Variants in GPC5 observed in about 807,000 individuals in gnomAD.
GPC5 encodes glypican-5.
A neutral mutation model predicts 53.9 loss-of-function variants in GPC5; 47 were observed. The observed-to-expected ratio is 0.87, with a 90% confidence interval of 0.69 to 1.11. GPC5 has a LOEUF of 1.11. Ranked by LOEUF, GPC5 falls within the 50% of genes most tolerant of loss-of-function variation. The pLI is 0.00. For synonymous variants in GPC5, 286 were observed against 263.3 expected, an observed-to-expected ratio of 1.09 and a Z score of -0.84; for missense variants, 748 against 713.1, an observed-to-expected ratio of 1.05 and a Z score of -0.56.
intron 2 of GPC5, among the ~76,000 whole-genome samples, chr13:91,494,313 T>C (rs1367641452): frequency 6.7e-6 from 1 of 149,910 alleles, no homozygotes; most frequent in Non-Finnish European, 1.5e-5. Flanking sequence ...AATTTTCCCC[T>C]TTCTCTCTGG....
At chr13:91,762,967 T>A (rs567427321) in intron 5 of GPC5, among the ~76,000 whole-genome samples, 18 of 152,306 alleles carry the variant, frequency 1.2e-4, no homozygotes, top group Non-Finnish European at 2.4e-4. Context: ...GTCACACATC[T>A]TCTTTATTCT....
Position 92,217,008 on chromosome 13 carries a change from A to T in GPC5, c.1561+72019A>T, listed in dbSNP as rs1594006475. ...AAAAAAAAAAAAAAAAAGTCATCTG[A>T]CTTGCCCACAGTCACACAGCTGGCA... is the stretch of plus-strand genomic sequence containing the variant. On this transcript the variant is annotated intron_variant, in intron 7 of 7. Coordinates refer to ENST00000377067, the MANE Select transcript of GPC5 (RefSeq NM_004466.6). Among the ~76,000 whole-genome samples the T allele has an allele frequency of 3.4e-5, 5 of 149,154 alleles. No individual in the cohort carries two copies. In the South Asian group the frequency reaches 1.1e-3, roughly 31 times the overall value.
chr13:91,585,389 C>T (rs939783388), intron 2 of GPC5, among the ~76,000 whole-genome samples: 6 of 152,120 alleles, frequency 3.9e-5, no homozygotes, highest in African/African-American at 7.2e-5. Flanking sequence ...GGAGACAACT[C>T]CCATGCCTAT....
At chr13:92,565,590 G>A (rs1430470121) in intron 7 of GPC5, among the ~76,000 whole-genome samples, 2 of 152,044 alleles carry the variant, frequency 1.3e-5, no homozygotes, top group Non-Finnish European at 2.9e-5. Context: ...CAGTAAAGTT[G>A]CCCTATCTCT....
At chr13:92,685,571 T>TAA in intron 7 of GPC5, among the ~76,000 whole-genome samples, 1 of 143,686 alleles carries the variant, frequency 7.0e-6, no homozygotes, top group South Asian at 2.3e-4. Flanking sequence ...TTTTTTTTTT[T>TAA]TTTATTATAC....
In GPC5 at chr13:91,693,262, C is replaced by A; in HGVS notation, c.401C>A (p.Ala134Asp). The change falls in exon 3 of 8, where the codon GCC becomes GAC. Residue 134 changes from alanine (A) to aspartate (D), a missense_variant. By Grantham distance (126) the Ala-to-Asp change is moderately radical. Coordinates refer to ENST00000377067, the MANE Select transcript of GPC5 (RefSeq NM_004466.6). ...TTTTGCAGTACCTACAGGAACATGG[C>A]CTTGGAGGCTGCTGCTTCGGTTCAG... The part of the protein sequence containing the change: ...ILFCSTYRNM[A>D]LEAAASVQEF... 1.2e-6 allele frequency: 2 copies of A among 1,614,038 alleles called. No homozygotes were observed. The highest frequency in any genetic ancestry group is 1.7e-5 in the Admixed American group (1 of 60,008).
chr13:92,028,310 G>A (rs932553911), intron 6 of GPC5, among the ~76,000 whole-genome samples: 2 of 152,072 alleles, frequency 1.3e-5, no homozygotes, highest in African/African-American at 4.8e-5. Context: ...AGAAACAGCA[G>A]GTCCAGCTGT....
intron 2 of GPC5, among the ~76,000 whole-genome samples, chr13:91,462,559 C>A (rs937269514): frequency 6.6e-6 from 1 of 152,208 alleles, no homozygotes; most frequent in African/African-American, 2.4e-5. Flanking sequence ...ATTTCCTACC[C>A]GCTGAAAATG....
intron 7 of GPC5, among the ~76,000 whole-genome samples, chr13:92,345,441 G>A (rs1201517378): frequency 6.6e-6 from 1 of 152,036 alleles, no homozygotes; most frequent in African/African-American, 2.4e-5. Context: ...TAGAAGAATA[G>A]GAAGTCTTGG....
intron 7 of GPC5, among the ~76,000 whole-genome samples, chr13:92,333,810 G>T (rs1331695521): frequency 6.6e-6 from 1 of 152,052 alleles, no homozygotes; most frequent in African/African-American, 2.4e-5. Context: ...ACATGACAGG[G>T]ATATTGGAAT....
intron 7 of GPC5, among the ~76,000 whole-genome samples, chr13:92,348,715 A>G (rs1179636382): frequency 6.6e-6 from 1 of 152,200 alleles, no homozygotes; most frequent in Non-Finnish European, 1.5e-5. Flanking sequence ...CTGAAATTAT[A>G]GCAAGAATCT....
chr13:92,762,414 G>C (rs562720037), intron 7 of GPC5, among the ~76,000 whole-genome samples: 1 of 152,062 alleles, frequency 6.6e-6, no homozygotes, highest in Non-Finnish European at 1.5e-5. Context: ...TACATAAATG[G>C]TAAAGAAAAA....
intron 6 of GPC5, among the ~76,000 whole-genome samples, chr13:91,944,556 C>G (rs2039958022): frequency 6.6e-6 from 1 of 152,128 alleles, no homozygotes; most frequent in Non-Finnish European, 1.5e-5. Flanking sequence ...ACTCTCTCCT[C>G]CTAGTTGTTA....
At chr13:92,056,812 T>C (rs1287592023) in intron 6 of GPC5, among the ~76,000 whole-genome samples, 1 of 152,226 alleles carries the variant, frequency 6.6e-6, no homozygotes, top group African/African-American at 2.4e-5. Context: ...GCTACATTAT[T>C]TTTCTGAAAT....
At position 92,408,891 on chromosome 13, in the gene GPC5, A is replaced by G. The variant is rs1875919999; in HGVS notation, c.1561+263902A>G. On this transcript the variant is annotated intron_variant, in intron 7 of 7. Transcript: ENST00000377067. ...ACCTATAATAAACAGTGTGCCATAT[A>G]CATGAATGAAAATAATGGACCTATG... is the stretch of plus-strand genomic sequence containing the variant. Among the ~76,000 whole-genome samples, 6 of 152,262 alleles carry G rather than the reference A, an allele frequency of 3.9e-5. No homozygotes were observed. In the South Asian group the frequency reaches 1.2e-3, roughly 32 times the overall value.
In GPC5 at chr13:92,144,089, C is replaced by G. The variant is rs1212151628; in HGVS notation, c.1402-741C>G. On this transcript the variant is annotated intron_variant, in intron 6 of 7. Transcript: ENST00000377067. ...TGAAATATTCTATTTATAACATCAC[C>G]TTTCTGAAAAGACATTCAGAAATTT... Among the ~76,000 whole-genome samples, 3 of 152,068 alleles carry G rather than the reference C, an allele frequency of 2.0e-5. No individual in the cohort carries two copies. The East Asian group carries it at 5.8e-4, about 29-fold the overall frequency.
intron 3 of GPC5, among the ~76,000 whole-genome samples, chr13:91,701,780 A>T (rs1438601919): frequency 6.6e-6 from 1 of 152,100 alleles, no homozygotes; most frequent in African/African-American, 2.4e-5. Context: ...TCTCTTCCAC[A>T]TACTGATTTC....
intron 7 of GPC5, among the ~76,000 whole-genome samples, chr13:92,861,817 A>G (rs1261760282): frequency 4.6e-5 from 7 of 152,154 alleles, no homozygotes; most frequent in Non-Finnish European, 1.0e-4. Flanking sequence ...TATTTTGTTT[A>G]CTTCCTCATT....
At chr13:92,301,644 CG>C (rs1566528147) in intron 7 of GPC5, among the ~76,000 whole-genome samples, 2 of 151,868 alleles carry the variant, frequency 1.3e-5, no homozygotes, top group African/African-American at 4.8e-5. Flanking sequence ...CCCAGCACTT[CG>C]GGAGACCAAG....
Sources: gnomAD v4.1 joint callset for allele counts (sites outside exome capture counted in the v4.1 genomes callset) on GRCh38, gnomAD v4.1.1 for gene constraint, MANE v1.5 for transcripts, NCBI Gene and HGNC (gene_info 2026-07-23, HGNC 2026-07-21) for gene names.